EPM2A: variants seen among roughly 807,000 people sequenced by gnomAD.
EPM2A encodes the protein EPM2A glucan phosphatase, laforin.
A neutral mutation model predicts 26.5 loss-of-function variants in EPM2A; 21 were observed. The observed-to-expected ratio is 0.79, with a 90% CI of 0.56 to 1.14. The LOEUF is 1.14. Ranked by LOEUF, EPM2A falls within the 50% of genes most tolerant of loss-of-function variation. The pLI is 0.00. For synonymous variants in EPM2A, 217 were observed against 177.6 expected (o/e 1.22, Z -1.76); for missense variants, 458 against 440.8 (o/e 1.04, Z -0.35).
chr6:145,555,272 T>C (rs1026377023), intron 2 of EPM2A, among the ~76,000 whole-genome samples: 2 of 152,050 alleles, frequency 1.3e-5, no homozygotes, highest in South Asian at 4.1e-4. Context: ...CTGGTAACCC[T>C]GGACCAGCTC....
At chr6:145,698,906 G>A (rs754691471) in intron 1 of EPM2A, among the ~76,000 whole-genome samples, 1 of 152,158 alleles carries the variant, frequency 6.6e-6, no homozygotes, top group Non-Finnish European at 1.5e-5. Context: ...CAGGCAGATG[G>A]TGGCTATCTG....
intron 2 of EPM2A, among the ~76,000 whole-genome samples, chr6:145,577,013 C>T (rs1370502265): frequency 6.7e-6 from 1 of 149,318 alleles, no homozygotes; most frequent in Non-Finnish European, 1.5e-5. Context: ...TTGTCAAAAC[C>T]TATACTAGAT....
At chr6:145,457,503 AAG>A (rs1162861212) in intron 4 of EPM2A, among the ~76,000 whole-genome samples, 1 of 151,876 alleles carries the variant, frequency 6.6e-6, no homozygotes, top group Non-Finnish European at 1.5e-5. Flanking sequence ...AAAAAAGAAA[AAG>A]AAAAAAATAT....
intron 2 of EPM2A, among the ~76,000 whole-genome samples, chr6:145,505,697 A>C (rs1032017620): frequency 6.6e-6 from 1 of 152,228 alleles, no homozygotes; most frequent in African/African-American, 2.4e-5. Context: ...TGTATGGATT[A>C]ATATGAAATG....
At chr6:145,635,913 A>G (rs914417173) in intron 2 of EPM2A, 1 of 213,476 alleles carries the variant, frequency 4.7e-6, no homozygotes, top group Admixed American at 5.3e-5. Flanking sequence ...TTAAAAGTCT[A>G]TGCAAATATT....
chr6:145,504,630 CT>C (rs1445624124), intron 2 of EPM2A, among the ~76,000 whole-genome samples: 3 of 42,472 alleles, frequency 7.1e-5, no homozygotes, highest in Non-Finnish European at 9.3e-5. Flanking sequence ...AATAGGAACA[CT>C]TTTACACTGT....
At chr6:145,612,332 A>T (rs952885099) in intron 2 of EPM2A, among the ~76,000 whole-genome samples, 2 of 152,326 alleles carry the variant, frequency 1.3e-5, no homozygotes, top group Non-Finnish European at 2.9e-5. Flanking sequence ...ATGGGTAGAA[A>T]TACAAAGCAG....
chr6:145,414,068 C>T lies in EPM2A; in HGVS notation c.556-29971G>A, dbSNP rs540922697. ...TGGTGTGGGTGCTAGCTAAGCTTGA[C>T]GCTGCTGGATTCCAGTACCCTGCAC... On this transcript the variant is annotated intron_variant, in intron 4 of 4. Transcript: ENST00000638717. Among the ~76,000 whole-genome samples, 109 of 152,234 alleles carry T rather than the reference C, an allele frequency of 7.2e-4. 1 individual carries two copies. Among genetic ancestry groups the T allele is most frequent in the Non-Finnish European group, 1.3e-3 (90 of 68,026 alleles).
chr6:145,408,047 G>C (rs867679378), intron 4 of EPM2A, among the ~76,000 whole-genome samples: 21 of 152,204 alleles, frequency 1.4e-4, no homozygotes, highest in Middle Eastern at 3.4e-3. Context: ...CATGCCATTT[G>C]AGGACATAAT....
At chr6:145,457,651 G>A (rs1582770633) in intron 4 of EPM2A, among the ~76,000 whole-genome samples, 3 of 152,116 alleles carry the variant, frequency 2.0e-5, no homozygotes, top group East Asian at 1.9e-4. Context: ...ATTCTAAGAG[G>A]CCAATCAGAA....
Position 145,491,642 on chromosome 6 carries a change from G to A in EPM2A, c.555+10880C>T, listed in dbSNP as rs1187376044. 1.6e-5 allele frequency: 6 copies of A among 376,982 alleles called. No individual in the cohort carries two copies. The East Asian group carries it at 4.6e-4, about 29-fold the overall frequency. The allele number at this position is 376,982 out of a possible 1,614,324, so 23.4% of individuals were successfully genotyped here. A position where few individuals can be genotyped will look rare whatever the true frequency, so the allele number is the denominator to read the frequency against. The stretch of plus-strand genomic sequence containing the variant: ...TGACATTCGAGTGGGAAAACAGGAA[G>A]GCATGCTCTCACTTTGGGTTGCTGT... On this transcript the variant is annotated intron_variant, in intron 4 of 4. Transcript: ENST00000638717.
At chr6:145,521,684 T>C (rs1780203829) in intron 2 of EPM2A, among the ~76,000 whole-genome samples, 1 of 152,158 alleles carries the variant, frequency 6.6e-6, no homozygotes, top group Non-Finnish European at 1.5e-5. Flanking sequence ...AGGTAAAAAC[T>C]CTAGATTGTT....
chr6:145,618,264 T>C (rs979351150), intron 2 of EPM2A, among the ~76,000 whole-genome samples: 8 of 152,158 alleles, frequency 5.3e-5, no homozygotes, highest in East Asian at 1.9e-4. Context: ...GGAAAAAATA[T>C]GTGCAAAACC....
At chr6:145,662,255 AC>A (rs1778772636) in intron 2 of EPM2A, among the ~76,000 whole-genome samples, 1 of 152,198 alleles carries the variant, frequency 6.6e-6, no homozygotes, top group Non-Finnish European at 1.5e-5. Context: ...AATATACTAC[AC>A]TTGGCACCAA....
intron 2 of EPM2A, among the ~76,000 whole-genome samples, chr6:145,543,648 T>C (rs1780544928): frequency 6.6e-6 from 1 of 152,202 alleles, no homozygotes; most frequent in South Asian, 2.1e-4. Flanking sequence ...AGGGGTTTCT[T>C]CAGGATATGG....
At chr6:145,577,426 C>T (rs1363299581) in intron 2 of EPM2A, among the ~76,000 whole-genome samples, 5 of 148,752 alleles carry the variant, frequency 3.4e-5, no homozygotes, top group Admixed American at 3.3e-4. Context: ...GATTTCAAGA[C>T]AAAAACTATG....
intron 2 of EPM2A, among the ~76,000 whole-genome samples, chr6:145,652,562 A>C (rs1294966187): frequency 6.6e-6 from 1 of 152,046 alleles, no homozygotes; most frequent in Non-Finnish European, 1.5e-5. Flanking sequence ...TAATATATCC[A>C]TATAGCCAGC....
At chr6:145,646,263 TCTC>T (rs1449416825) in intron 2 of EPM2A, among the ~76,000 whole-genome samples, 15 of 151,578 alleles carry the variant, frequency 9.9e-5, no homozygotes, top group South Asian at 8.4e-4. Flanking sequence ...TTTAAACAAT[TCTC>T]CTGCCTCAGC....
chr6:145,473,310 A>G (rs1345017665), intron 4 of EPM2A, among the ~76,000 whole-genome samples: 1 of 151,558 alleles, frequency 6.6e-6, no homozygotes, highest in Non-Finnish European at 1.5e-5. Context: ...AATCAAGCAG[A>G]AGAAAAAAAA....
Sources: gnomAD v4.1 joint callset for allele counts (sites outside exome capture counted in the v4.1 genomes callset) on GRCh38, gnomAD v4.1.1 for gene constraint, MANE v1.5 for transcripts, NCBI Gene and HGNC (gene_info 2026-07-23, HGNC 2026-07-21) for gene names.